The following SLC13A3 variants were observed in gnomAD, a reference collection of about 807,000 sequenced individuals.
The protein encoded by SLC13A3 is solute carrier family 13 member 3.
Under a neutral mutation model 59.0 loss-of-function variants are expected in SLC13A3, and 40 were observed. That is an observed-to-expected ratio of 0.68 (90% confidence interval 0.53 to 0.88). The LOEUF is 0.88. Ranked by LOEUF, SLC13A3 falls within the 40% of genes least tolerant of loss-of-function variation. The probability of loss-of-function intolerance (pLI) is 0.00; values close to 1 mark genes in which losing one functional copy is unlikely to be tolerated. For synonymous variants in SLC13A3, 317 were observed against 330.3 expected (o/e 0.96, Z 0.44); for missense variants, 699 against 783.2 (o/e 0.89, Z 1.28).
chr20:46,581,511 G>C (rs576548161), intron 9 of SLC13A3, among the ~76,000 whole-genome samples: 1 of 152,206 alleles, frequency 6.6e-6, no homozygotes. Context: ...ACAGGGGCAT[G>C]ACTGGGCTGA....
intron 1 of SLC13A3, among the ~76,000 whole-genome samples, chr20:46,648,916 CACACACACACACACACACACACACAT>C (rs1362690044): frequency 8.9e-6 from 1 of 112,398 alleles, no homozygotes; most frequent in Admixed American, 9.1e-5. Context: ...CTCTCTCTCT[CACACACACACACACACACACACACAT>C]ACACACACAC....
At chr20:46,674,722 A>G (rs2063114320), upstream of SLC13A3, among the ~76,000 whole-genome samples, 1 of 151,970 alleles carries the variant, frequency 6.6e-6, no homozygotes, top group South Asian at 2.1e-4. Context: ...TTTGGAAGAG[A>G]GAATTCAATT....
chr20:46,572,800 G>A (rs1050602751), intron 10 of SLC13A3, among the ~76,000 whole-genome samples: 4 of 152,176 alleles, frequency 2.6e-5, no homozygotes, highest in African/African-American at 4.8e-5. Flanking sequence ...GGCCCAGAGA[G>A]GTTTAGTAAC....
intron 4 of SLC13A3, among the ~76,000 whole-genome samples, chr20:46,596,788 C>T (rs938542285): frequency 2.6e-5 from 4 of 152,182 alleles, no homozygotes; most frequent in African/African-American, 9.7e-5. Context: ...TGGTGGCTCA[C>T]TCCTGTAACT....
upstream of SLC13A3, among the ~76,000 whole-genome samples, chr20:46,674,285 G>A (rs533061302): frequency 3.9e-4 from 59 of 152,136 alleles, no homozygotes; most frequent in Non-Finnish European, 7.2e-4. Context: ...CAGACTGGAG[G>A]GGGGATTAGT....
rs577899279 is a variant in SLC13A3, at chr20:46,667,173, G to A, written c.-31+2870C>T. On this transcript the variant is annotated intron_variant, in intron 1 of 12. Coordinates refer to the SLC13A3 transcript ENST00000290317. ...TTGATCCTGAGCCAGCCCAATAACC[G>A]GCTTCATCAAAGGCTCCAGACAACA... Among the ~76,000 whole-genome samples, 7 of 152,222 alleles carry A rather than the reference G, an allele frequency of 4.6e-5. No homozygotes were observed. The South Asian group carries it at 1.0e-3, about 23-fold the overall frequency.
chr20:46,639,476 AC>A (rs2062826148), intron 1 of SLC13A3, among the ~76,000 whole-genome samples: 1 of 152,084 alleles, frequency 6.6e-6, no homozygotes, highest in Non-Finnish European at 1.5e-5. Context: ...AACCAAAAAA[AC>A]AAAAAAACAA....
chr20:46,568,505 T>C (rs1235892873), intron 10 of SLC13A3, among the ~76,000 whole-genome samples: 2 of 151,628 alleles, frequency 1.3e-5, no homozygotes, highest in Non-Finnish European at 2.9e-5. Context: ...TTACCTTCAA[T>C]GTAAGAATAA....
At chr20:46,617,761 C>T (rs2062575125) in intron 1 of SLC13A3, among the ~76,000 whole-genome samples, 1 of 152,162 alleles carries the variant, frequency 6.6e-6, no homozygotes, top group African/African-American at 2.4e-5. Flanking sequence ...ATGTATCACC[C>T]CCTGGGCCAG....
chr20:46,629,660 GCT>G (rs1271208848), intron 1 of SLC13A3, among the ~76,000 whole-genome samples: 2 of 151,568 alleles, frequency 1.3e-5, no homozygotes, highest in African/African-American at 4.9e-5. Flanking sequence ...TCCCCATTTT[GCT>G]CTGTCTGATA....
At chr20:46,580,145 AG>A (rs2146107174) in intron 9 of SLC13A3, among the ~76,000 whole-genome samples, 1 of 152,238 alleles carries the variant, frequency 6.6e-6, no homozygotes, top group East Asian at 1.9e-4. Context: ...TAGTAGAGAC[AG>A]GGTTTCGCCA....
intron 3 of SLC13A3, among the ~76,000 whole-genome samples, chr20:46,601,520 A>G (rs930500996): frequency 1.3e-5 from 2 of 152,174 alleles, no homozygotes; most frequent in Non-Finnish European, 2.9e-5. Flanking sequence ...TGAGTGACAA[A>G]AGATGAAAGT....
chr20:46,663,015 C>G (rs1247813635), intron 1 of SLC13A3, among the ~76,000 whole-genome samples: 1 of 152,142 alleles, frequency 6.6e-6, no homozygotes, highest in Admixed American at 6.5e-5. Context: ...GGGGGCTGGG[C>G]ATGGTGTGTC....
At chr20:46,634,623 C>T (rs1196423638) in intron 1 of SLC13A3, among the ~76,000 whole-genome samples, 2 of 151,078 alleles carry the variant, frequency 1.3e-5, no homozygotes, top group Non-Finnish European at 2.9e-5. Flanking sequence ...TCATTAAAAA[C>T]GTTCCTGCGG....
chr20:46,656,198 C>T (rs1236490673), upstream of SLC13A3, among the ~76,000 whole-genome samples: 5 of 141,464 alleles, frequency 3.5e-5, no homozygotes, highest in Non-Finnish European at 7.6e-5. Context: ...ATATAGACTG[C>T]ACAGTATATA....
chr20:46,618,957 C>T (rs898421188), intron 1 of SLC13A3, among the ~76,000 whole-genome samples: 3 of 152,196 alleles, frequency 2.0e-5, no homozygotes, highest in Non-Finnish European at 4.4e-5. Context: ...TGAGGCATGT[C>T]GAATACCATT....
At chr20:46,574,491 G>T (rs2062055891) in intron 10 of SLC13A3, among the ~76,000 whole-genome samples, 1 of 152,162 alleles carries the variant, frequency 6.6e-6, no homozygotes, top group African/African-American at 2.4e-5. Context: ...CGGAGAGTGA[G>T]CACTCCCTGC....
At chr20:46,603,021 A>G (rs1371073396) in intron 3 of SLC13A3, among the ~76,000 whole-genome samples, 1 of 151,928 alleles carries the variant, frequency 6.6e-6, no homozygotes, top group Non-Finnish European at 1.5e-5. Context: ...TCCACTAAAA[A>G]TACAAAATTA....
At chr20:46,635,772 A>G (rs963607648) in intron 1 of SLC13A3, among the ~76,000 whole-genome samples, 3 of 152,198 alleles carry the variant, frequency 2.0e-5, no homozygotes, top group African/African-American at 4.8e-5. Context: ...GTTTCACAAG[A>G]TACAGGTCAC....
Sources: allele counts gnomAD v4.1 joint callset (sites outside exome capture counted in the v4.1 genomes callset), GRCh38; gene constraint gnomAD v4.1.1; transcripts MANE v1.5; gene names NCBI Gene and HGNC (gene_info 2026-07-23, HGNC 2026-07-21).